The following FGFRL1 variants were observed in gnomAD, a reference collection of about 807,000 sequenced individuals.
FGFRL1 encodes fibroblast growth factor receptor like 1, also known as fibroblast growth factor receptor-like 1.
A neutral mutation model predicts 36.8 loss-of-function variants in FGFRL1; 24 were observed. The ratio of observed to expected loss-of-function variants is 0.65; its 90% CI spans 0.47 to 0.92. The LOEUF is 0.92. Ranked by LOEUF, FGFRL1 falls within the 40% of genes least tolerant of loss-of-function variation. FGFRL1 has a pLI of 0.00. For synonymous variants in FGFRL1, 422 were observed against 344.1 expected (o/e 1.23, Z -2.50); for missense variants, 785 against 753.4 (o/e 1.04, Z -0.49).
intron 2 of FGFRL1, among the ~76,000 whole-genome samples, chr4:1,014,385 C>G (rs1715774134): frequency 6.6e-6 from 1 of 152,114 alleles, no homozygotes; most frequent in African/African-American, 2.4e-5. Context: ...ACAAATAACT[C>G]TGAAGGAAGT....
chr4:1,013,228 A>T (rs1047707797), intron 2 of FGFRL1, among the ~76,000 whole-genome samples: 1 of 152,206 alleles, frequency 6.6e-6, no homozygotes, highest in Non-Finnish European at 1.5e-5. Flanking sequence ...ATGCCCTGGG[A>T]CCCAGCCCCA....
At position 1,022,422 on chromosome 4, in the gene FGFRL1, A is replaced by G. The variant is rs916026909; in HGVS notation, c.299A>G (p.Lys100Arg). ...GAGGATGCCGGCGTGTACGTGTGCA[A>G]GGCCACCAACGGCTTCGGCAGCCTG... ...EREDAGVYVCKATNGFGSLSV... is the reference protein window; with the variant it reads ...EREDAGVYVCRATNGFGSLSV... Residue 100 changes from lysine (K) to arginine (R), a missense_variant, in exon 3 of 7, where the codon AAG becomes AGG. Physicochemically the swap from Lys to Arg is conservative, Grantham distance 26 (BLOSUM62 2). Coordinates refer to ENST00000510644, the MANE Select transcript of FGFRL1 (RefSeq NM_001004356.3). The G allele has an allele frequency of 1.5e-5, 24 of 1,611,250 alleles. No individual in the cohort carries two copies. The highest frequency in any genetic ancestry group is 2.0e-5 in the Non-Finnish European group (24 of 1,179,266).
chr4:1,018,130 G>A (rs1715989501), intron 2 of FGFRL1, among the ~76,000 whole-genome samples: 1 of 152,174 alleles, frequency 6.6e-6, no homozygotes, highest in Non-Finnish European at 1.5e-5. Flanking sequence ...GGGAAGGGCA[G>A]GCCGCAGGGG....
chr4:1,019,694 C>T (rs866168828), intron 2 of FGFRL1, among the ~76,000 whole-genome samples: 7 of 152,132 alleles, frequency 4.6e-5, no homozygotes, highest in African/African-American at 9.7e-5. Flanking sequence ...CCACAGCCGC[C>T]ATCTCATTTC....
At chr4:1,012,663 C>G in intron 2 of FGFRL1, 99 bp downstream of exon 2, 1 of 478,666 alleles carries the variant, frequency 2.1e-6, no homozygotes. Flanking sequence ...CTGGCACGCG[C>G]CATGCCCCGC....
chr4:1,021,981 C>T (rs749603402), intron 2 of FGFRL1, among the ~76,000 whole-genome samples: 30 of 152,204 alleles, frequency 2.0e-4, no homozygotes, highest in African/African-American at 2.7e-4. Flanking sequence ...AGGCTGCTGA[C>T]GTGGTGTTTG....
At chr4:1,013,432 G>A (rs1020080125) in intron 2 of FGFRL1, among the ~76,000 whole-genome samples, 1 of 152,246 alleles carries the variant, frequency 6.6e-6, no homozygotes, top group African/African-American at 2.4e-5. Flanking sequence ...CCCCTCCCCT[G>A]CCGCCCAGCA....
chr4:1,022,056 C>G (rs3796624), intron 2 of FGFRL1, 147 bp from the exon 3 acceptor site: 111,784 of 604,012 alleles, frequency 0.19, 11,112 homozygotes, highest in Non-Finnish European at 0.2. Flanking sequence ...GGCACTGCAC[C>G]TCGGCCCCTC....
Position 1,023,564 on chromosome 4 carries a change from G to C in FGFRL1, c.353-77G>C. 7.3e-7 allele frequency: 1 copy of C among 1,377,544 alleles called. No individual in the cohort carries two copies. Among genetic ancestry groups the C allele is most frequent in the Non-Finnish European group, 1.0e-6 (1 of 991,360 alleles). The allele number at this position is 1,377,544 out of a possible 1,614,324, so 85.3% of individuals were successfully genotyped here. A position where few individuals can be genotyped will look rare whatever the true frequency, so the allele number is the denominator to read the frequency against. On this transcript the variant is annotated intron_variant, in intron 3 of 6. Coordinates refer to ENST00000510644, the MANE Select transcript of FGFRL1 (RefSeq NM_001004356.3). This position sits in a 1 kb window ranked among gnomAD's most constrained non-coding sequence, Gnocchi z 6.0. ...GTCCCGGCTGGGGCTGGGGGAGCTAGAGGCCACGGGGGAGTTGGGGGAGCT... is the reference window on the plus strand; with the variant it reads ...GTCCCGGCTGGGGCTGGGGGAGCTACAGGCCACGGGGGAGTTGGGGGAGCT...
intron 2 of FGFRL1, among the ~76,000 whole-genome samples, chr4:1,020,100 ATGGGAGCTG>A (rs1716092010): frequency 6.6e-6 from 1 of 152,194 alleles, no homozygotes; most frequent in African/African-American, 2.4e-5. Context: ...GGGGGTCAGA[ATGGGAGCTG>A]CTCCCTGAGT....
At chr4:1,013,103 G>C (rs182541602) in intron 2 of FGFRL1, among the ~76,000 whole-genome samples, 1 of 152,326 alleles carries the variant, frequency 6.6e-6, no homozygotes, top group African/African-American at 2.4e-5. Context: ...GGCAGTGCCG[G>C]GCGGTTGTGT....
chr4:1,022,749 C>T (rs573548617), intron 3 of FGFRL1, among the ~76,000 whole-genome samples: 2 of 152,312 alleles, frequency 1.3e-5, no homozygotes, highest in African/African-American at 2.4e-5. Context: ...GCAGTGGTCC[C>T]ACAGAAGGGC....
chr4:1,010,473 C>T (rs1715528619), upstream of FGFRL1, among the ~76,000 whole-genome samples: 1 of 152,270 alleles, frequency 6.6e-6, no homozygotes, highest in African/African-American at 2.4e-5. Context: ...CCCCACGCCC[C>T]GCCTAGCTCT....
intron 3 of FGFRL1, 71 bp downstream of exon 3, chr4:1,022,546 G>T: frequency 6.6e-7 from 1 of 1,505,640 alleles, no homozygotes. Context: ...GAGGGCGGAC[G>T]GGGACACACC....
Position 1,025,160 on chromosome 4 carries a change from G to C in FGFRL1, c.1328G>C (p.Gly443Ala), listed in dbSNP as rs759581394. The C allele has an allele frequency of 4.5e-5, 72 of 1,610,354 alleles. 1 individual carries two copies. In the Admixed American group the frequency reaches 8.9e-4, roughly 20 times the overall value. ...TTGGCCGCCCTCAGCGCTGGCCCTGGTGTGGGGCTGTGTGAGGAGCATGGG... is the reference window on the plus strand; with the variant it reads ...TTGGCCGCCCTCAGCGCTGGCCCTGCTGTGGGGCTGTGTGAGGAGCATGGG... ...PSLAALSAGP[G>A]VGLCEEHGSP... The change falls in exon 7 of 7, where the codon GGT becomes GCT. Residue 443 changes from glycine to alanine, a missense_variant. Gly to Ala is a moderately conservative substitution (Grantham distance 60). Coordinates refer to ENST00000510644, the MANE Select transcript of FGFRL1 (RefSeq NM_001004356.3).
Position 1,025,525 on chromosome 4 carries a change from C to A in FGFRL1, c.*178C>A. The A allele has an allele frequency of 1.4e-6, 1 of 735,430 alleles. No homozygotes were observed. The highest frequency in any genetic ancestry group is 2.2e-6 in the Non-Finnish European group (1 of 455,784). 45.6% of individuals were successfully genotyped at this position (735,430 alleles called of 1,614,324 possible). A position where few individuals can be genotyped will look rare whatever the true frequency, so the allele number is the denominator to read the frequency against. On this transcript the variant is annotated 3_prime_UTR_variant, in exon 7 of 7. Transcript: ENST00000510644. ...CACACACACACAGACACACACACTGCCTGGATGCATGTATGCACACACATG... is the reference window on the plus strand; with the variant it reads ...CACACACACACAGACACACACACTGACTGGATGCATGTATGCACACACATG...
chr4:1,024,210 G>A (rs1716368203), intron 5 of FGFRL1, 101 bp from the exon 6 acceptor site: 2 of 1,195,470 alleles, frequency 1.7e-6, no homozygotes, highest in Non-Finnish European at 2.2e-6. Context: ...CACTGGCAGG[G>A]CTTGGGGGTG....
At chr4:1,022,149 C>A (rs543074325) in intron 2 of FGFRL1, 54 bp from the exon 3 acceptor site, 1 of 1,399,760 alleles carries the variant, frequency 7.1e-7, no homozygotes, top group African/African-American at 1.5e-5. Context: ...ACCGCCCCCC[C>A]GGCTCCGGAC....
At chr4:1,019,167 G>C (rs1716046368) in intron 2 of FGFRL1, among the ~76,000 whole-genome samples, 1 of 152,260 alleles carries the variant, frequency 6.6e-6, no homozygotes. Context: ...GTATCTGCCT[G>C]GGGCAGGGTG....
Sources: allele counts gnomAD v4.1 joint callset (sites outside exome capture counted in the v4.1 genomes callset), GRCh38; gene constraint gnomAD v4.1.1; non-coding constraint Gnocchi (gnomAD v3.1); transcripts MANE v1.5; gene names NCBI Gene and HGNC (gene_info 2026-07-23, HGNC 2026-07-21).